Variants in LYPLA2 observed in about 807,000 individuals in gnomAD.
LYPLA2 encodes lysophospholipase 2, also known as acyl-protein thioesterase 2.
LYPLA2 carries 7 observed loss-of-function variants against 30.3 expected under a neutral mutation model. That is an observed-to-expected ratio of 0.23 (90% CI 0.13 to 0.43). The LOEUF (loss-of-function observed/expected upper bound fraction) is 0.43, where lower values mean the gene tolerates loss of function less well. LYPLA2 is among the 20% of genes least tolerant of loss of function. The pLI is 1.00. For synonymous variants in LYPLA2, 112 were observed against 118.2 expected, an observed-to-expected ratio of 0.95 and a Z score of 0.34; for missense variants, 206 against 307.9, an observed-to-expected ratio of 0.67 and a Z score of 2.48.
At position 23,792,709 on chromosome 1, in the gene LYPLA2, C is replaced by T. The variant is rs763542506; in HGVS notation, c.27C>T (p.Pro9=). The part of the protein sequence containing the change: MCGNTMSV[P]LLTDAATVSG... Reference sequence around the variant, plus strand: ...TGTGTGGTAACACCATGTCTGTGCCCCTGCTCACCGATGCTGCCACCGTGT... The same window carrying T: ...TGTGTGGTAACACCATGTCTGTGCCTCTGCTCACCGATGCTGCCACCGTGT... Residue 9 remains proline (P), a synonymous_variant, in exon 2 of 10, where the codon CCC becomes CCT. Coordinates refer to ENST00000374514, the MANE Select transcript of LYPLA2 (RefSeq NM_007260.3). 8 of 1,611,948 alleles carry T rather than the reference C, an allele frequency of 5.0e-6. No individual in the cohort carries two copies. The highest frequency in any genetic ancestry group is 3.3e-5 in the Admixed American group (2 of 59,988).
At position 23,793,574 on chromosome 1, in the gene LYPLA2, G is replaced by C; in HGVS notation, c.177-131G>C. ...CCAGCCCCACGTGGCAGGTTGCCTGGCAACACCTTAAACACAGGCCCTGCC... is the reference window on the plus strand; with the variant it reads ...CCAGCCCCACGTGGCAGGTTGCCTGCCAACACCTTAAACACAGGCCCTGCC... On this transcript the variant is annotated intron_variant, in intron 4 of 9. Coordinates refer to ENST00000374514, the MANE Select transcript of LYPLA2 (RefSeq NM_007260.3). This position sits in a 1 kb window ranked among gnomAD's most constrained non-coding sequence, Gnocchi z 6.0. The C allele has an allele frequency of 1.1e-6, 1 of 935,192 alleles. No individual in the cohort carries two copies. Among genetic ancestry groups the C allele is most frequent in the Non-Finnish European group, 1.7e-6 (1 of 580,952 alleles). 57.9% of individuals were successfully genotyped at this position (935,192 alleles called of 1,614,324 possible). A position where few individuals can be genotyped will look rare whatever the true frequency, so the allele number is the denominator to read the frequency against.
chr1:23,794,511 C>T lies in LYPLA2; in HGVS notation c.556C>T (p.Leu186=), dbSNP rs1638884296. The T allele has an allele frequency of 1.9e-6, 3 of 1,614,148 alleles. No homozygotes were observed. The highest frequency in any genetic ancestry group is 2.5e-6 in the Non-Finnish European group (3 of 1,180,006). The change falls in exon 9 of 10, where the codon CTG becomes TTG. Residue 186 remains leucine (L), a synonymous_variant. Coordinates refer to ENST00000374514, the MANE Select transcript of LYPLA2 (RefSeq NM_007260.3). The surrounding 1 kb of genome is among the most constrained non-coding windows in gnomAD (Gnocchi z 5.9). ...DPMVPVRFGA[L]TAEKLRSVVT... ...CATGGTGCCCGTACGGTTTGGGGCC[C>T]TGACGGCTGAGAAGCTCCGGTCTGT...
intron 1 of LYPLA2, chr1:23,791,886 G>A (rs1284641463): frequency 6.5e-6 from 1 of 152,740 alleles, no homozygotes; most frequent in Non-Finnish European, 1.5e-5. Flanking sequence ...GCAGGTAGTG[G>A]AAGCTTCCGG....
intron 1 of LYPLA2, among the ~76,000 whole-genome samples, chr1:23,791,696 G>A (rs1363680160): frequency 6.6e-6 from 1 of 152,088 alleles, no homozygotes; most frequent in Non-Finnish European, 1.5e-5. Context: ...GGGAGCCTGG[G>A]CGGGAGGTGC....
rs2148406729 is a variant in LYPLA2, at chr1:23,794,004, A to G, written c.296-59A>G. ...AAAGCGCTGGGCGGTTCCTCAGCCT[A>G]GCTCCCTTATTGGGCCCCTTGGCAG... On this transcript the variant is annotated intron_variant, in intron 6 of 9. Transcript: ENST00000374514. The surrounding 1 kb of genome is among the most constrained non-coding windows in gnomAD (Gnocchi z 5.9). The G allele has an allele frequency of 6.3e-7, 1 of 1,595,126 alleles. No homozygotes were observed. The highest frequency in any genetic ancestry group is 8.6e-7 in the Non-Finnish European group (1 of 1,162,762).
Position 23,792,766 on chromosome 1 carries a change from G to C in LYPLA2, c.78+6G>C, listed in dbSNP as rs746905454. 1 of 1,611,764 alleles carries C rather than the reference G, an allele frequency of 6.2e-7. No individual in the cohort carries two copies. Among genetic ancestry groups the C allele is most frequent in the Non-Finnish European group, 8.5e-7 (1 of 1,178,844 alleles). On this transcript the variant is annotated splice_donor_region_variant and intron_variant, in intron 2 of 9. Transcript: ENST00000374514. ...CTGAGCGGGAAACGGCCGCGGTAAGGGTCCCCTTTCACCCACGGCCAGACA... is the reference window on the plus strand; with the variant it reads ...CTGAGCGGGAAACGGCCGCGGTAAGCGTCCCCTTTCACCCACGGCCAGACA...
At position 23,793,640 on chromosome 1, in the gene LYPLA2, G is replaced by A. The variant is rs1488300172; in HGVS notation, c.177-65G>A. ...CCAGGGGCGGCGCGGCCCCACTCCG[G>A]GCTCTGAGCTCTGGCCTCCTCATTC... On this transcript the variant is annotated intron_variant, in intron 4 of 9. Coordinates refer to ENST00000374514, the MANE Select transcript of LYPLA2 (RefSeq NM_007260.3). This position sits in a 1 kb window ranked among gnomAD's most constrained non-coding sequence, Gnocchi z 6.0. 6.4e-7 allele frequency: 1 copy of A among 1,555,392 alleles called. No individual in the cohort carries two copies.
rs779754947 is a variant in LYPLA2 at position 23,792,994 on chromosome 1, C to T, written c.79-14C>T. On this transcript the variant is annotated splice_polypyrimidine_tract_variant and intron_variant, in intron 2 of 9. Transcript: ENST00000374514. ...GGAAGCCTTCCTGTCTCCCCATTTCCCATCCTTTTCCAGGTTATTTTTTTA... is the reference window on the plus strand; with the variant it reads ...GGAAGCCTTCCTGTCTCCCCATTTCTCATCCTTTTCCAGGTTATTTTTTTA... 4.5e-5 allele frequency: 72 copies of T among 1,611,114 alleles called. No homozygotes were observed. The Admixed American group carries it at 7.2e-4, about 16-fold the overall frequency.
Position 23,794,618 on chromosome 1 carries a change from T to A in LYPLA2, c.645+18T>A. On this transcript the variant is annotated intron_variant, in intron 9 of 9. Transcript: ENST00000374514. The surrounding 1 kb of genome is among the most constrained non-coding windows in gnomAD (Gnocchi z 5.9). Reference sequence around the variant, plus strand: ...GTCCTCAGGTCAGTGGGGGGACCATTTCCCACTCCCACTTCTCTGCCTCCA... The same window carrying A: ...GTCCTCAGGTCAGTGGGGGGACCATATCCCACTCCCACTTCTCTGCCTCCA... 1.9e-6 allele frequency: 3 copies of A among 1,614,040 alleles called. No homozygotes were observed. Among genetic ancestry groups the A allele is most frequent in the South Asian group, 1.1e-5 (1 of 91,084 alleles).
rs1388700404 is a variant in LYPLA2, at chr1:23,794,381, G to T, written c.472-46G>T. The T allele has an allele frequency of 3.1e-6, 5 of 1,610,964 alleles. No homozygotes were observed. The highest frequency in any genetic ancestry group is 4.2e-6 in the Non-Finnish European group (5 of 1,177,922). ...TGTGTCTGCATCCTCGTGGCTTGGGGACTGCTGCAGCACTAGCTTTGCCCT... is the reference window on the plus strand; with the variant it reads ...TGTGTCTGCATCCTCGTGGCTTGGGTACTGCTGCAGCACTAGCTTTGCCCT... On this transcript the variant is annotated intron_variant, in intron 8 of 9. Transcript: ENST00000374514. This position sits in a 1 kb window ranked among gnomAD's most constrained non-coding sequence, Gnocchi z 5.9.
Position 23,793,782 on chromosome 1 carries a change from G to C in LYPLA2, c.224+30G>C, listed in dbSNP as rs753695335. 4.3e-6 allele frequency: 7 copies of C among 1,613,580 alleles called. No homozygotes were observed. Among genetic ancestry groups the C allele is most frequent in the Middle Eastern group, 1.6e-4 (1 of 6,062 alleles). ...GTTTGGGAGTGGGGGTGGGCAGGGG[G>C]ACGAGGACACTTGGGCTGAGGGAGC... On this transcript the variant is annotated intron_variant, in intron 5 of 9. Coordinates refer to ENST00000374514, the MANE Select transcript of LYPLA2 (RefSeq NM_007260.3). The surrounding 1 kb of genome is among the most constrained non-coding windows in gnomAD (Gnocchi z 6.0).
In LYPLA2 at chr1:23,793,890, C is replaced by T. The variant is rs765161640; in HGVS notation, c.255C>T (p.Ala85=). 5 of 1,613,960 alleles carry T rather than the reference C, an allele frequency of 3.1e-6. No individual in the cohort carries two copies. Among genetic ancestry groups the T allele is most frequent in the South Asian group, 1.1e-5 (1 of 91,072 alleles). The change falls in exon 6 of 10, where the codon GCC becomes GCT. Residue 85 remains alanine (A), a synonymous_variant. Coordinates refer to ENST00000374514, the MANE Select transcript of LYPLA2 (RefSeq NM_007260.3). This position sits in a 1 kb window ranked among gnomAD's most constrained non-coding sequence, Gnocchi z 6.0. ...WFDLMGLSPD[A]PEDEAGIKKA... ...ACCTGATGGGGCTGAGTCCAGATGC[C>T]CCAGAGGACGAGGCTGGCATCAAGA...
chr1:23,792,938 G>A, intron 2 of LYPLA2, 70 bp from the exon 3 acceptor site: 1 of 1,541,434 alleles, frequency 6.5e-7, no homozygotes, highest in Non-Finnish European at 8.9e-7. Context: ...TGGGGGTGGG[G>A]GAGGGGTGGG....
At position 23,792,970 on chromosome 1, in the gene LYPLA2, G is replaced by T. The variant is rs2232980; in HGVS notation, c.79-38G>T. ...TGGGCAGAAGTTGGAGGACCTAGGG[G>T]AAGCCTTCCTGTCTCCCCATTTCCC... On this transcript the variant is annotated intron_variant, in intron 2 of 9. Coordinates refer to ENST00000374514, the MANE Select transcript of LYPLA2 (RefSeq NM_007260.3). The T allele has an allele frequency of 3.8e-6, 6 of 1,599,400 alleles. No individual in the cohort carries two copies. The East Asian group carries it at 1.3e-4, about 36-fold the overall frequency.
At position 23,793,977 on chromosome 1, in the gene LYPLA2, G is replaced by A. The variant is rs747280563; in HGVS notation, c.295+47G>A. 1.9e-6 allele frequency: 3 copies of A among 1,596,416 alleles called. No individual in the cohort carries two copies. Among genetic ancestry groups the A allele is most frequent in the Non-Finnish European group, 1.7e-6 (2 of 1,163,962 alleles). On this transcript the variant is annotated intron_variant, in intron 6 of 9. Transcript: ENST00000374514. This position sits in a 1 kb window ranked among gnomAD's most constrained non-coding sequence, Gnocchi z 6.0. ...CACATCCTCCTTCCCCTGCCCCCCA[G>A]GAAAGCGCTGGGCGGTTCCTCAGCC...
Position 23,793,242 on chromosome 1 carries a change from G to T in LYPLA2, c.176+26G>T, listed in dbSNP as rs762354950. On this transcript the variant is annotated intron_variant, in intron 4 of 9. Transcript: ENST00000374514. The surrounding 1 kb of genome is among the most constrained non-coding windows in gnomAD (Gnocchi z 6.0). ...GTGAGTGTCACCCCAGCAAGGGAGG[G>T]GCTGAGGCTGGGGATCATCTGGGGG... is the stretch of plus-strand genomic sequence containing the variant. 1 of 1,607,366 alleles carries T rather than the reference G, an allele frequency of 6.2e-7. No homozygotes were observed. Among genetic ancestry groups the T allele is most frequent in the Admixed American group, 1.7e-5 (1 of 59,950 alleles).
At position 23,794,712 on chromosome 1, in the gene LYPLA2, A is replaced by C. The variant is rs769167617; in HGVS notation, c.676A>C (p.Lys226Gln). The C allele has an allele frequency of 1.9e-6, 3 of 1,614,104 alleles. No homozygotes were observed. The highest frequency in any genetic ancestry group is 2.5e-6 in the Non-Finnish European group (3 of 1,180,002). ...GGCAGCTGTGAAGGAATTTCTTGAG[A>C]AGCTGCTGCCTCCTGTCTAACTAGT... ...EMAAVKEFLE[K>Q]LLPPV Residue 226 changes from lysine (K) to glutamine (Q), a missense_variant, in exon 10 of 10, where the codon AAG (lysine) becomes CAG (glutamine). Coordinates refer to ENST00000374514, the MANE Select transcript of LYPLA2 (RefSeq NM_007260.3). The surrounding 1 kb of genome is among the most constrained non-coding windows in gnomAD (Gnocchi z 5.9).
chr1:23,793,957 C>A lies in LYPLA2; in HGVS notation c.295+27C>A, dbSNP rs201885450. ...TAAGACCCCAGCCCCTCCTCCACAT[C>A]CTCCTTCCCCTGCCCCCCAGGAAAG... On this transcript the variant is annotated intron_variant, in intron 6 of 9. Coordinates refer to ENST00000374514, the MANE Select transcript of LYPLA2 (RefSeq NM_007260.3). This position sits in a 1 kb window ranked among gnomAD's most constrained non-coding sequence, Gnocchi z 6.0. 1.9e-6 allele frequency: 3 copies of A among 1,603,558 alleles called. No homozygotes were observed. Among genetic ancestry groups the A allele is most frequent in the Non-Finnish European group, 2.6e-6 (3 of 1,170,460 alleles).
chr1:23,793,255 G>A lies in LYPLA2; in HGVS notation c.176+39G>A. On this transcript the variant is annotated intron_variant, in intron 4 of 9. Coordinates refer to ENST00000374514, the MANE Select transcript of LYPLA2 (RefSeq NM_007260.3). The surrounding 1 kb of genome is among the most constrained non-coding windows in gnomAD (Gnocchi z 6.0). ...CAGCAAGGGAGGGGCTGAGGCTGGGGATCATCTGGGGGTGGTCCTGTCATC... is the reference window on the plus strand; with the variant it reads ...CAGCAAGGGAGGGGCTGAGGCTGGGAATCATCTGGGGGTGGTCCTGTCATC... 1 of 1,598,052 alleles carries A rather than the reference G, an allele frequency of 6.3e-7. No individual in the cohort carries two copies. Among genetic ancestry groups the A allele is most frequent in the Non-Finnish European group, 8.6e-7 (1 of 1,167,030 alleles).
Sources: allele counts gnomAD v4.1 joint callset (sites outside exome capture counted in the v4.1 genomes callset), GRCh38; gene constraint gnomAD v4.1.1; non-coding constraint Gnocchi (gnomAD v3.1); transcripts MANE v1.5; gene names NCBI Gene and HGNC (gene_info 2026-07-23, HGNC 2026-07-21).